GABPB2: variants seen among roughly 807,000 people sequenced by gnomAD.
GABPB2 encodes the protein GA-binding protein subunit beta-2.
In GABPB2, 23 loss-of-function variants were observed where a neutral mutation model predicts 39.1. The observed-to-expected ratio is 0.59, with a 90% CI of 0.42 to 0.83. The LOEUF (loss-of-function observed/expected upper bound fraction) is 0.83. Ranked by LOEUF, GABPB2 falls within the 40% of genes least tolerant of loss-of-function variation. The pLI, the probability that GABPB2 is intolerant of heterozygous loss-of-function variation, is 0.00. For synonymous variants in GABPB2, 184 were observed against 199.3 expected (o/e 0.92, Z 0.65); for missense variants, 467 against 541.1 (o/e 0.86, Z 1.36).
intron 4 of GABPB2, among the ~76,000 whole-genome samples, chr1:151,095,069 G>C (rs1429331713): frequency 6.6e-6 from 1 of 150,824 alleles, no homozygotes; most frequent in East Asian, 1.9e-4. Context: ...AGTAAAGACA[G>C]GCAAGAAAAT....
intron 1 of GABPB2, among the ~76,000 whole-genome samples, chr1:151,078,640 TTTTG>T (rs1036666627): frequency 1.9e-4 from 29 of 152,018 alleles, no homozygotes; most frequent in East Asian, 3.9e-4. Flanking sequence ...CTTTTTTTGT[TTTTG>T]TTTGTTTGTT....
rs1010917081 is a variant in GABPB2, at chr1:151,117,605, A to G, written c.1047+89A>G. The stretch of plus-strand genomic sequence containing the variant: ...TCATCTTTTCTTTTTTCTTTTTGAG[A>G]CGGAGTCTTGCTGTGTTGCCCAGGC... On this transcript the variant is annotated intron_variant, in intron 8 of 8. Coordinates refer to ENST00000368918, the MANE Select transcript of GABPB2 (RefSeq NM_144618.3). The G allele has an allele frequency of 2.1e-6, 3 of 1,420,948 alleles. No individual in the cohort carries two copies. The Admixed American group carries it at 6.2e-5, about 29-fold the overall frequency. The allele number at this position is 1,420,948 out of a possible 1,614,324, so 88.0% of individuals were successfully genotyped here. A position where few individuals can be genotyped will look rare whatever the true frequency, so the allele number is the denominator to read the frequency against.
intron 4 of GABPB2, among the ~76,000 whole-genome samples, chr1:151,097,139 T>A (rs922548020): frequency 7.9e-5 from 12 of 152,090 alleles, no homozygotes; most frequent in African/African-American, 2.7e-4. Context: ...CTCAAACTCC[T>A]GACCTCAAGT....
chr1:151,093,105 A>G (rs1678845528), intron 3 of GABPB2, 87 bp from the exon 4 acceptor site: 1 of 1,043,272 alleles, frequency 9.6e-7, no homozygotes, highest in Non-Finnish European at 1.4e-6. Flanking sequence ...CGTAATCTCT[A>G]TGGAAATCCT....
chr1:151,094,326 A>T (rs1678941358), intron 4 of GABPB2, among the ~76,000 whole-genome samples: 1 of 151,348 alleles, frequency 6.6e-6, no homozygotes, highest in South Asian at 2.1e-4. Context: ...TGCTGGGATT[A>T]CAAGTGTCAG....
At chr1:151,113,548 CATAAT>C (rs1223826798) in intron 7 of GABPB2, among the ~76,000 whole-genome samples, 1 of 150,126 alleles carries the variant, frequency 6.7e-6, no homozygotes, top group African/African-American at 2.4e-5. Context: ...TTAAAATAAT[CATAAT>C]ATATCCTAAA....
chr1:151,113,066 G>A (rs1457813649), intron 7 of GABPB2, among the ~76,000 whole-genome samples: 1 of 150,712 alleles, frequency 6.6e-6, no homozygotes, highest in Non-Finnish European at 1.5e-5. Context: ...ATGAGCTACT[G>A]CGCCTAGCCC....
intron 7 of GABPB2, 148 bp from the exon 8 acceptor site, chr1:151,117,244 T>C (rs1318132599): frequency 4.1e-6 from 3 of 738,296 alleles, no homozygotes; most frequent in Non-Finnish European, 6.7e-6. Flanking sequence ...AGTCCTCCAG[T>C]CAGCTGCCTG....
intron 1 of GABPB2, among the ~76,000 whole-genome samples, chr1:151,072,398 T>A (rs4970937): frequency 0.024 from 3,656 of 151,106 alleles, 70 homozygotes; most frequent in South Asian, 0.085. Context: ...GAAAAAAAAA[T>A]TATTTTTAAT....
At chr1:151,085,988 G>A (rs891739883) in intron 1 of GABPB2, among the ~76,000 whole-genome samples, 4 of 152,164 alleles carry the variant, frequency 2.6e-5, no homozygotes, top group Non-Finnish European at 4.4e-5. Flanking sequence ...GCTCACGCCT[G>A]TAATCCCAAC....
chr1:151,105,900 A>G (rs1293120219), intron 6 of GABPB2, among the ~76,000 whole-genome samples: 37 of 152,174 alleles, frequency 2.4e-4, no homozygotes, highest in Admixed American at 2.4e-3. Flanking sequence ...TATTCTGTGA[A>G]TTCACTATTA....
chr1:151,104,136 A>G (rs1679749743), intron 6 of GABPB2, among the ~76,000 whole-genome samples: 1 of 152,124 alleles, frequency 6.6e-6, no homozygotes, highest in Non-Finnish European at 1.5e-5. Flanking sequence ...TTCACTGGAG[A>G]TGTTATTTTG....
chr1:151,103,338 G>T (rs1263224884), intron 5 of GABPB2, among the ~76,000 whole-genome samples: 5 of 151,884 alleles, frequency 3.3e-5, no homozygotes, highest in Admixed American at 3.3e-4. Context: ...CAGGAATGGC[G>T]CCCGGCCCTC....
intron 2 of GABPB2, 197 bp downstream of exon 2, chr1:151,088,494 G>T: frequency 7.7e-7 from 1 of 1,293,768 alleles, no homozygotes; most frequent in South Asian, 1.3e-5. Context: ...AGTCTCCTGT[G>T]GATATATAGG....
rs746860601 is a variant in GABPB2, at chr1:151,087,475, C to A, written c.1-715C>A. Among the ~76,000 whole-genome samples, 5 of 151,814 alleles carry A rather than the reference C, an allele frequency of 3.3e-5. No individual in the cohort carries two copies. In the South Asian group the frequency reaches 1.0e-3, roughly 32 times the overall value. Reference sequence around the variant, plus strand: ...CAGCCTGGCCAACATGGTGAAACCCCATCTCTACTAAAAATACAAAAATTA... The same window carrying A: ...CAGCCTGGCCAACATGGTGAAACCCAATCTCTACTAAAAATACAAAAATTA... On this transcript the variant is annotated intron_variant, in intron 1 of 8. Coordinates refer to ENST00000368918, the MANE Select transcript of GABPB2 (RefSeq NM_144618.3).
intron 7 of GABPB2, among the ~76,000 whole-genome samples, chr1:151,113,642 C>A (rs1410340806): frequency 2.0e-5 from 3 of 152,052 alleles, no homozygotes; most frequent in Admixed American, 2.0e-4. Context: ...ACAGAGAAAT[C>A]TATTGCTGGG....
intron 1 of GABPB2, among the ~76,000 whole-genome samples, chr1:151,082,835 G>T (rs958348362): frequency 6.6e-6 from 1 of 151,832 alleles, no homozygotes; most frequent in African/African-American, 2.4e-5. Flanking sequence ...AATTAGTCAG[G>T]CATGGTTGTG....
At chr1:151,106,124 G>T (rs1679945024) in intron 6 of GABPB2, among the ~76,000 whole-genome samples, 1 of 151,712 alleles carries the variant, frequency 6.6e-6, no homozygotes, top group Non-Finnish European at 1.5e-5. Flanking sequence ...AACACGCCCA[G>T]CTAATTTTTG....
chr1:151,118,757 G>A lies in GABPB2; in HGVS notation c.*501G>A, dbSNP rs114642528. 0.018 allele frequency: 2,802 copies of A among 152,258 alleles called. 55 individuals carry two copies. Among genetic ancestry groups the A allele is most frequent in the South Asian group, 0.084 (408 of 4,836 alleles). The allele number at this position is 152,258 out of a possible 1,614,324, so 9.4% of individuals were successfully genotyped here. ...AGGAATATAGTCCATTTCCAAAGGA[G>A]CAGGAACTCCCAACCTTAAGTTAAT... On this transcript the variant is annotated 3_prime_UTR_variant, in exon 9 of 9. Coordinates refer to ENST00000368918, the MANE Select transcript of GABPB2 (RefSeq NM_144618.3).
Sources: gnomAD v4.1 joint callset for allele counts (sites outside exome capture counted in the v4.1 genomes callset) on GRCh38, gnomAD v4.1.1 for gene constraint, MANE v1.5 for transcripts, NCBI Gene and HGNC (gene_info 2026-07-23, HGNC 2026-07-21) for gene names.